GREB1: variants seen among roughly 807,000 people sequenced by gnomAD.
The protein encoded by GREB1 is growth regulating estrogen receptor binding 1.
In GREB1, 106 loss-of-function variants were observed where a neutral mutation model predicts 200.7. That is an observed-to-expected ratio of 0.53 (90% CI 0.45 to 0.62). The LOEUF (loss-of-function observed/expected upper bound fraction) is 0.62, where lower values mean the gene tolerates loss of function less well. Among genes scored for constraint, GREB1 ranks in the 20% least tolerant of loss-of-function variants. The pLI is 0.00. For missense variants in GREB1, 2,243 were observed against 2,556.8 expected (o/e 0.88, Z 2.65); for synonymous variants, 1,132 against 1,092.4 (o/e 1.04, Z -0.72).
intron 1 of GREB1, among the ~76,000 whole-genome samples, chr2:11,506,303 C>T (rs1673181595): frequency 2.0e-5 from 3 of 152,320 alleles, no homozygotes; most frequent in Admixed American, 6.5e-5. Context: ...TACCATGCAG[C>T]TGAGCCAGGG....
intron 9 of GREB1, chr2:11,588,382 T>G: frequency 4.1e-6 from 3 of 726,766 alleles, no homozygotes; most frequent in Non-Finnish European, 5.7e-6. Flanking sequence ...AGTGAAGCTC[T>G]GGAAGGTGCT....
intron 19 of GREB1, among the ~76,000 whole-genome samples, chr2:11,614,765 G>T (rs529380918): frequency 6.6e-6 from 1 of 152,078 alleles, no homozygotes. Flanking sequence ...GGGTTTCACC[G>T]TGTTAGCCAG....
Position 11,580,792 on chromosome 2 carries a change from A to T in GREB1, c.861A>T (p.Ala287=). Residue 287 remains alanine, a synonymous_variant, in exon 7 of 33, where the codon GCA becomes GCT. Transcript: ENST00000381486. The surrounding 1 kb of genome is among the most constrained non-coding windows in gnomAD (Gnocchi z 4.5). ...GKDSPKCQQL[A]KNNLLALPRP... ...ATTCCCCGAAGTGCCAACAACTGGC[A>T]AAGAATAACCTGTTGGCCCTGCCGC... The T allele has an allele frequency of 6.2e-7, 1 of 1,614,258 alleles. No homozygotes were observed. Among genetic ancestry groups the T allele is most frequent in the Non-Finnish European group, 8.5e-7 (1 of 1,180,042 alleles).
In GREB1 at chr2:11,615,295, G is replaced by A. The variant is rs1683309316; in HGVS notation, c.3322+5G>A. The A allele has an allele frequency of 6.4e-7, 1 of 1,571,918 alleles. No homozygotes were observed. Among genetic ancestry groups the A allele is most frequent in the Admixed American group, 1.9e-5 (1 of 53,094 alleles). ...ATGAGGAGCTGGGGACAGAAGGTGAGGGATGGCTGCCCTCAGCCTACTTGT... is the reference window on the plus strand; with the variant it reads ...ATGAGGAGCTGGGGACAGAAGGTGAAGGATGGCTGCCCTCAGCCTACTTGT... On this transcript the variant is annotated splice_donor_5th_base_variant and intron_variant, in intron 20 of 32. Coordinates refer to ENST00000381486, the MANE Select transcript of GREB1 (RefSeq NM_014668.4).
chr2:11,635,015 C>T (rs1033894645), intron 29 of GREB1, among the ~76,000 whole-genome samples: 1 of 152,238 alleles, frequency 6.6e-6, no homozygotes, highest in African/African-American at 2.4e-5. Context: ...TCACCACGGG[C>T]AGTGCTTTTG....
In GREB1 at chr2:11,578,479, A is replaced by G. The variant is rs375866737; in HGVS notation, c.772+48A>G. ...GAGCTGCTAAACCCACAGAGCTGGC[A>G]CTGTCTCCGATGTGTCCGGTTGACT... On this transcript the variant is annotated intron_variant, in intron 6 of 32. Transcript: ENST00000381486. The G allele has an allele frequency of 1.9e-5, 31 of 1,593,162 alleles. No homozygotes were observed. The African/African-American group carries it at 3.7e-4, about 19-fold the overall frequency.
intron 17 of GREB1, among the ~76,000 whole-genome samples, chr2:11,605,105 CT>C (rs1012808859): frequency 7.5e-6 from 1 of 133,580 alleles, no homozygotes; most frequent in Non-Finnish European, 1.5e-5. Context: ...TGTGCCTGAC[CT>C]GGGGGTACTG....
In GREB1 at chr2:11,633,103, A is replaced by C; in HGVS notation, c.4991+40A>C. 1 of 1,596,952 alleles carries C rather than the reference A, an allele frequency of 6.3e-7. No homozygotes were observed. The highest frequency in any genetic ancestry group is 8.6e-7 in the Non-Finnish European group (1 of 1,165,540). On this transcript the variant is annotated intron_variant, in intron 28 of 32. Transcript: ENST00000381486. This position sits in a 1 kb window ranked among gnomAD's most constrained non-coding sequence, Gnocchi z 4.1. ...GAGCACCACCTCCTGCCACCCTACGAATGATGACCAACGAGTGTGCCCTCT... is the reference window on the plus strand; with the variant it reads ...GAGCACCACCTCCTGCCACCCTACGCATGATGACCAACGAGTGTGCCCTCT...
At position 11,634,281 on chromosome 2, in the gene GREB1, C is replaced by A. The variant is rs1368485452; in HGVS notation, c.5142C>A (p.Arg1714=). 6.2e-7 allele frequency: 1 copy of A among 1,614,198 alleles called. No homozygotes were observed. Among genetic ancestry groups the A allele is most frequent in the South Asian group, 1.1e-5 (1 of 91,082 alleles). Residue 1714 remains arginine (R), a synonymous_variant, in exon 29 of 33, where the codon CGC becomes CGA. Coordinates refer to ENST00000381486, the MANE Select transcript of GREB1 (RefSeq NM_014668.4). ...RASEVQEPFS[R]CHVHNFIILN... ...GCGAGGTGCAAGAGCCCTTCTCCCGCTGCCACGTGCACAACTTCATCATCC... is the reference window on the plus strand; with the variant it reads ...GCGAGGTGCAAGAGCCCTTCTCCCGATGCCACGTGCACAACTTCATCATCC...
intron 17 of GREB1, among the ~76,000 whole-genome samples, chr2:11,609,508 AT>A (rs1384908289): frequency 6.6e-6 from 1 of 152,074 alleles, no homozygotes; most frequent in Non-Finnish European, 1.5e-5. Context: ...ACCTCAGGCA[AT>A]CCGTTTCCTG....
In GREB1 at chr2:11,595,238, G is replaced by T. The variant is rs2148200744; in HGVS notation, c.1697-13G>T. The T allele has an allele frequency of 7.5e-6, 12 of 1,609,010 alleles. No individual in the cohort carries two copies. In the South Asian group the frequency reaches 1.2e-4, roughly 16 times the overall value. ...AGATACAATGGGTACTGTGAAATCT[G>T]TTTGCTTTCCAGGAAAATACCAAGC... On this transcript the variant is annotated splice_polypyrimidine_tract_variant and intron_variant, in intron 11 of 32. Transcript: ENST00000381486.
Position 11,640,563 on chromosome 2 carries a change from G to T in GREB1, c.*109G>T, listed in dbSNP as rs1277082629. ...GGCGTTTGACTGGAATGGACCCCAGGGACTGTCCAGGTGCAGCCCCTCCTA... is the reference window on the plus strand; with the variant it reads ...GGCGTTTGACTGGAATGGACCCCAGTGACTGTCCAGGTGCAGCCCCTCCTA... On this transcript the variant is annotated 3_prime_UTR_variant, in exon 33 of 33. Transcript: ENST00000381486. The surrounding 1 kb of genome is among the most constrained non-coding windows in gnomAD (Gnocchi z 4.6). 1.1e-5 allele frequency: 14 copies of T among 1,283,880 alleles called. No homozygotes were observed. In the Admixed American group the frequency reaches 1.9e-4, roughly 18 times the overall value. 79.5% of individuals were successfully genotyped at this position (1,283,880 alleles called of 1,614,324 possible).
At chr2:11,507,777 T>G (rs1673224688) in intron 1 of GREB1, among the ~76,000 whole-genome samples, 1 of 152,144 alleles carries the variant, frequency 6.6e-6, no homozygotes, top group Admixed American at 6.5e-5. Context: ...TCTGTCCCTC[T>G]CTGGTCCCGA....
intron 23 of GREB1, among the ~76,000 whole-genome samples, chr2:11,622,905 C>T (rs1684124271): frequency 6.6e-6 from 1 of 152,192 alleles, no homozygotes; most frequent in Non-Finnish European, 1.5e-5. Context: ...AAGGCTGTTG[C>T]TCTGGATGGA....
intron 4 of GREB1, among the ~76,000 whole-genome samples, chr2:11,568,212 TG>T (rs778973110): frequency 1.8e-4 from 27 of 152,336 alleles, no homozygotes; most frequent in Non-Finnish European, 3.2e-4. Context: ...TTCCAAAAGC[TG>T]GGAGGATAAA....
At chr2:11,554,505 A>G (rs527255148) in intron 1 of GREB1, among the ~76,000 whole-genome samples, 48 of 152,322 alleles carry the variant, frequency 3.2e-4, no homozygotes, top group African/African-American at 9.1e-4. Context: ...AGGGGAATTT[A>G]TTACACATGG....
At chr2:11,483,252 GCGTGTGTGCA>G (rs1190571617) in intron 1 of GREB1, among the ~76,000 whole-genome samples, 9 of 150,304 alleles carry the variant, frequency 6.0e-5, no homozygotes, top group Non-Finnish European at 1.3e-4. Context: ...GTATGGGTGT[GCGTGTGTGCA>G]CGTGTGTGCG....
intron 1 of GREB1, among the ~76,000 whole-genome samples, chr2:11,515,456 T>C (rs911658920): frequency 6.6e-6 from 1 of 152,252 alleles, no homozygotes; most frequent in Admixed American, 6.5e-5. Flanking sequence ...TCTTGAATAA[T>C]GTAGACGTGA....
chr2:11,632,146 A>G (rs199606936), intron 27 of GREB1, 33 bp downstream of exon 27: 3 of 1,443,354 alleles, frequency 2.1e-6, no homozygotes, highest in Middle Eastern at 1.8e-4. Flanking sequence ...TACTCAGTCA[A>G]ACTCCTGTGA....
Sources: allele counts gnomAD v4.1 joint callset (sites outside exome capture counted in the v4.1 genomes callset), GRCh38; gene constraint gnomAD v4.1.1; non-coding constraint Gnocchi (gnomAD v3.1); transcripts MANE v1.5; gene names NCBI Gene and HGNC (gene_info 2026-07-23, HGNC 2026-07-21).